NUP205: variants seen among roughly 807,000 people sequenced by gnomAD.
The protein encoded by NUP205 is nuclear pore complex protein Nup205.
NUP205 carries 76 observed loss-of-function variants against 253.8 expected under a neutral mutation model. The observed-to-expected ratio is 0.30, with a 90% CI of 0.25 to 0.36. The LOEUF (loss-of-function observed/expected upper bound fraction) is 0.36, where lower values mean the gene tolerates loss of function less well. Ranked by LOEUF, NUP205 falls within the 10% of genes least tolerant of loss-of-function variation. The probability of loss-of-function intolerance (pLI) is 1.00; values close to 1 mark genes in which losing one functional copy is unlikely to be tolerated. For missense variants in NUP205, 2,162 were observed against 2,425.5 expected (o/e 0.89, Z 2.28); for synonymous variants, 832 against 850.1 (o/e 0.98, Z 0.37).
chr7:135,599,192 C>G (rs1793913263), intron 15 of NUP205, among the ~76,000 whole-genome samples: 1 of 151,996 alleles, frequency 6.6e-6, no homozygotes, highest in African/African-American at 2.4e-5. Context: ...TTTTTTGTCA[C>G]TTAGCATCAT....
intron 4 of NUP205, 113 bp from the exon 5 acceptor site, chr7:135,576,856 T>C (rs1806165842): frequency 3.1e-6 from 3 of 977,456 alleles, no homozygotes; most frequent in Non-Finnish European, 4.5e-6. Flanking sequence ...CACTCCAGCC[T>C]GGGTGACAGA....
chr7:135,566,608 A>G (rs2129489571), intron 1 of NUP205, among the ~76,000 whole-genome samples: 1 of 152,300 alleles, frequency 6.6e-6, no homozygotes, highest in South Asian at 2.1e-4. Context: ...CCCACATCAA[A>G]GACCTGACGC....
intron 1 of NUP205, among the ~76,000 whole-genome samples, chr7:135,567,177 T>A (rs1442324869): frequency 2.7e-5 from 3 of 111,258 alleles, no homozygotes; most frequent in South Asian, 2.6e-4. Context: ...TATATATATA[T>A]ATATGTATAT....
chr7:135,621,333 A>C (rs1794466155), intron 30 of NUP205, among the ~76,000 whole-genome samples: 1 of 151,368 alleles, frequency 6.6e-6, no homozygotes, highest in Non-Finnish European at 1.5e-5. Flanking sequence ...TTTTAAGAAA[A>C]GAGATAGTAA....
chr7:135,606,674 C>A, intron 20 of NUP205, 77 bp from the exon 21 acceptor site: 2 of 1,134,028 alleles, frequency 1.8e-6, no homozygotes, highest in Non-Finnish European at 2.6e-6. Flanking sequence ...AGTTGGAATA[C>A]AAGTTTTGTA....
At chr7:135,644,036 C>T (rs1794962789) in intron 39 of NUP205, among the ~76,000 whole-genome samples, 1 of 152,180 alleles carries the variant, frequency 6.6e-6, no homozygotes, top group Non-Finnish European at 1.5e-5. Flanking sequence ...ATGCCTACTC[C>T]CTCTTGCCAC....
At position 135,577,968 on chromosome 7, in the gene NUP205, C is replaced by T. The variant is rs767119190; in HGVS notation, c.821C>T (p.Ala274Val). 1.7e-5 allele frequency: 28 copies of T among 1,613,744 alleles called. No homozygotes were observed. The highest frequency in any genetic ancestry group is 2.2e-5 in the South Asian group (2 of 91,070). Reference protein sequence around the residue: ...LDAVNLALLMALLYCFDISFI... With the variant: ...LDAVNLALLMVLLYCFDISFI... ...GCAGTGAATCTGGCTCTTCTTATGG[C>T]GCTTCTATACTGTTTTGATATCAGT... The change falls in exon 6 of 43, where the codon GCG becomes GTG. Residue 274 changes from alanine to valine, a missense_variant. Physicochemically the swap from Ala to Val is moderately conservative, Grantham distance 64. Around this residue, in one of 5 missense-constraint regions of NUP205, gnomAD observed 892 missense variants for 957.1 expected, o/e 0.93. Coordinates refer to ENST00000285968, the MANE Select transcript of NUP205 (RefSeq NM_015135.3).
At chr7:135,565,043 A>G (rs1222530174) in intron 1 of NUP205, among the ~76,000 whole-genome samples, 1 of 152,146 alleles carries the variant, frequency 6.6e-6, no homozygotes, top group African/African-American at 2.4e-5. Context: ...TACTGGCATT[A>G]CAAGTGTGAG....
intron 22 of NUP205, among the ~76,000 whole-genome samples, chr7:135,609,949 AG>A (rs1584671590): frequency 1.3e-5 from 2 of 152,234 alleles, no homozygotes; most frequent in African/African-American, 4.8e-5. Flanking sequence ...AAATGAATGA[AG>A]CCAGGGTCCA....
chr7:135,629,469 ATCTCTCTCTCTC>A lies in NUP205; in HGVS notation c.4933-845_4933-834del, dbSNP rs201403059. 3.6e-3 allele frequency among the ~76,000 whole-genome samples: 427 copies of A among 119,758 alleles called. 4 individuals are homozygous for A. Among genetic ancestry groups the A allele is most frequent in the Middle Eastern group, 8.2e-3 (2 of 244 alleles). 78.6% of individuals were successfully genotyped at this position (119,758 alleles called of 152,430 possible). A position where few individuals can be genotyped will look rare whatever the true frequency, so the allele number is the denominator to read the frequency against. On this transcript the variant is annotated intron_variant, in intron 34 of 42. Transcript: ENST00000285968. ...AGCCTGGGCAACATAGTGAGACCCT[ATCTCTCTCTCTC>A]TCTCTCTCTCTCTCTCTCTCTCTCT... is the stretch of plus-strand genomic sequence containing the variant.
chr7:135,647,330 A>G (rs796228055), intron 42 of NUP205, among the ~76,000 whole-genome samples: 2 of 152,196 alleles, frequency 1.3e-5, no homozygotes, highest in South Asian at 4.1e-4. Flanking sequence ...AGGTGCAGTT[A>G]CAGCAGCCTC....
chr7:135,589,807 C>T lies in NUP205; in HGVS notation c.1474-1643C>T, dbSNP rs771541825. Among the ~76,000 whole-genome samples the T allele has an allele frequency of 3.1e-4, 47 of 150,984 alleles. 1 individual carries two copies. The highest frequency in any genetic ancestry group is 5.5e-4 in the Non-Finnish European group (37 of 67,712). On this transcript the variant is annotated intron_variant, in intron 10 of 42. Coordinates refer to ENST00000285968, the MANE Select transcript of NUP205 (RefSeq NM_015135.3). ...AATTAGCCAGACATGGTGGTGCGTACCTATGGCCCCATTTGCACGGGAGGC... is the reference window on the plus strand; with the variant it reads ...AATTAGCCAGACATGGTGGTGCGTATCTATGGCCCCATTTGCACGGGAGGC...
chr7:135,597,592 C>T (rs1254801664), intron 14 of NUP205, 174 bp downstream of exon 14: 2 of 478,920 alleles, frequency 4.2e-6, no homozygotes, highest in African/African-American at 3.9e-5. Flanking sequence ...TAAAAGGAAC[C>T]AAAATATTTT....
intron 1 of NUP205, among the ~76,000 whole-genome samples, chr7:135,570,050 T>TGG (rs1805904442): frequency 1.1e-5 from 1 of 88,918 alleles, no homozygotes; most frequent in African/African-American, 4.1e-5. Context: ...TATATATATA[T>TGG]ATAGAGAGAG....
At chr7:135,566,380 C>T (rs1403788387) in intron 1 of NUP205, among the ~76,000 whole-genome samples, 1 of 152,132 alleles carries the variant, frequency 6.6e-6, no homozygotes, top group Non-Finnish European at 1.5e-5. Flanking sequence ...GATGAGCCAC[C>T]ACCCCTGTCT....
At chr7:135,564,269 C>T (rs1353276578) in intron 1 of NUP205, among the ~76,000 whole-genome samples, 7 of 130,516 alleles carry the variant, frequency 5.4e-5, no homozygotes, top group Non-Finnish European at 8.0e-5. Context: ...TTTTTTGAGA[C>T]GGAGTCTTGC....
chr7:135,570,042 TATATATATATAGAGAGAGAG>T (rs1160985232), intron 1 of NUP205, among the ~76,000 whole-genome samples: 2 of 99,742 alleles, frequency 2.0e-5, no homozygotes, highest in African/African-American at 3.4e-5. Flanking sequence ...TATATATATA[TATATATATATAGAGAGAGAG>T]AGAGAGAGAG....
chr7:135,571,411 TAAA>T (rs563193250), intron 2 of NUP205, among the ~76,000 whole-genome samples, 164 bp downstream of exon 2: 2 of 135,534 alleles, frequency 1.5e-5, no homozygotes, highest in Middle Eastern at 3.3e-3. Flanking sequence ...CCTAAACGCT[TAAA>T]AAAAAAAAAA....
At chr7:135,587,787 C>CT (rs35616673) in intron 9 of NUP205, 68 bp from the exon 10 acceptor site, 269,083 of 1,522,154 alleles carry the variant, frequency 0.18, 25,130 homozygotes, top group East Asian at 0.41. Context: ...TTTAAATGTC[C>CT]TTTTTTTTAT....
Sources: gnomAD v4.1 joint callset for allele counts (sites outside exome capture counted in the v4.1 genomes callset) on GRCh38, gnomAD v4.1.1 for gene constraint, gnomAD v4.1.1 regional missense constraint, MANE v1.5 for transcripts, NCBI Gene and HGNC (gene_info 2026-07-23, HGNC 2026-07-21) for gene names.